Variants in DNASE1 observed in about 807,000 individuals in gnomAD.
The protein encoded by DNASE1 is deoxyribonuclease 1, also known as deoxyribonuclease-1.
DNASE1 carries 40 observed loss-of-function variants against 33.9 expected under a neutral mutation model. The observed-to-expected ratio is 1.18, with a 90% CI of 0.92 to 1.54. The LOEUF (loss-of-function observed/expected upper bound fraction) is 1.54. Among genes scored for constraint, DNASE1 ranks in the 40% most tolerant of loss-of-function variants. DNASE1 has a pLI of 0.00. For missense variants in DNASE1, 518 were observed against 372.6 expected (o/e 1.39, Z -3.21); for synonymous variants, 216 against 160.0 (o/e 1.35, Z -2.64).
At chr16:3,662,134 T>C, downstream of DNASE1, 1 of 1,610,800 alleles carries the variant, frequency 6.2e-7, no homozygotes, top group Non-Finnish European at 8.5e-7. Flanking sequence ...GAGGGTCACC[T>C]GTGAGCAAAG....
chr16:3,638,104 A>AGTGT (rs58884007), upstream of DNASE1, among the ~76,000 whole-genome samples: 9,500 of 143,458 alleles, frequency 0.066, 361 homozygotes, highest in Admixed American at 0.15. Context: ...AGTTTTTGTG[A>AGTGT]GTGTGTGTGT....
At chr16:3,637,574 A>G (rs887616965) in intron 1 of DNASE1, among the ~76,000 whole-genome samples, 27 of 152,160 alleles carry the variant, frequency 1.8e-4, no homozygotes, top group Non-Finnish European at 2.6e-4. Context: ...AGTTGGGTCA[A>G]CCTTTCCCTT....
chr16:3,657,786 C>T lies in DNASE1; in HGVS notation c.771C>T (p.Phe257=), dbSNP rs2042786537. The change falls in exon 8 of 9, where the codon TTC becomes TTT. Residue 257 remains phenylalanine (F), a synonymous_variant. Transcript: ENST00000246949. The part of the protein sequence containing the change: ...VVPDSALPFN[F]QAAYGLSDQL... The stretch of plus-strand genomic sequence containing the variant: ...CCGACTCGGCTCTTCCCTTTAACTT[C>T]CAGGCTGCCTATGGCCTGAGTGACC... The T allele has an allele frequency of 6.2e-7, 1 of 1,613,710 alleles. No homozygotes were observed.
At chr16:3,658,785 G>A (rs569161134), downstream of DNASE1, 14 of 1,613,304 alleles carry the variant, frequency 8.7e-6, no homozygotes, top group African/African-American at 1.3e-5. Context: ...CTAAGCTGCT[G>A]CACTCACCTG....
At chr16:3,636,801 C>G (rs1403293114) in intron 1 of DNASE1, among the ~76,000 whole-genome samples, 2 of 151,254 alleles carry the variant, frequency 1.3e-5, no homozygotes, top group Admixed American at 1.3e-4. Flanking sequence ...GCCTGGGCAA[C>G]AGAGTGAGAC....
At chr16:3,656,063 T>C (rs1005703031) in intron 3 of DNASE1, 39 bp from the exon 4 acceptor site, 14 of 1,611,562 alleles carry the variant, frequency 8.7e-6, no homozygotes, top group Non-Finnish European at 1.1e-5. Context: ...GGGTCCCCTA[T>C]GGCCCCCGCC....
chr16:3,641,784 C>T (rs1298921226), upstream of DNASE1, among the ~76,000 whole-genome samples: 2 of 152,170 alleles, frequency 1.3e-5, no homozygotes, highest in Non-Finnish European at 2.9e-5. Flanking sequence ...GGGCTGCCCA[C>T]TGGGAGGCCC....
At chr16:3,630,971 C>T (rs991242617) in intron 1 of DNASE1, among the ~76,000 whole-genome samples, 4 of 152,038 alleles carry the variant, frequency 2.6e-5, no homozygotes, top group African/African-American at 7.2e-5. Flanking sequence ...AGTTACTGAT[C>T]AGGAAAGACT....
chr16:3,638,494 C>T (rs145819810), upstream of DNASE1, among the ~76,000 whole-genome samples: 7,658 of 152,272 alleles, frequency 0.05, 241 homozygotes, highest in Admixed American at 0.066. Context: ...CCCGCCACCA[C>T]ACTCAGCTAA....
At chr16:3,649,740 T>TGTGGCCTGGGTA (rs1465010517), upstream of DNASE1, among the ~76,000 whole-genome samples, 1 of 152,202 alleles carries the variant, frequency 6.6e-6, no homozygotes, top group Non-Finnish European at 1.5e-5. Context: ...GTTTTTATCT[T>TGTGGCCTGGGTA]GTGGCCTGGG....
intron 1 of DNASE1, among the ~76,000 whole-genome samples, chr16:3,624,273 A>T (rs2041427919): frequency 6.6e-6 from 1 of 152,050 alleles, no homozygotes; most frequent in African/African-American, 2.4e-5. Flanking sequence ...TGTCTCAAAA[A>T]AAAAAAAAAA....
chr16:3,625,601 C>G (rs1218185016), intron 1 of DNASE1, among the ~76,000 whole-genome samples: 1 of 151,842 alleles, frequency 6.6e-6, no homozygotes, highest in East Asian at 1.9e-4. Flanking sequence ...CCAGCCTGGG[C>G]AACAGAGCAA....
Position 3,655,189 on chromosome 16 carries a change from G to A in DNASE1, c.-2+145G>A, listed in dbSNP as rs531518696. Reference sequence around the variant, plus strand: ...TTTCTGGTGGATGGAGGAGTGACTCGGGGTCCTCTACGTGGTGCCAGCTGT... The same window carrying A: ...TTTCTGGTGGATGGAGGAGTGACTCAGGGTCCTCTACGTGGTGCCAGCTGT... On this transcript the variant is annotated intron_variant, in intron 1 of 8. Coordinates refer to ENST00000246949, the MANE Select transcript of DNASE1 (RefSeq NM_005223.4). The A allele has an allele frequency of 4.4e-5, 34 of 764,138 alleles. No individual in the cohort carries two copies. In the African/African-American group the frequency reaches 4.7e-4, roughly 11 times the overall value. The allele number at this position is 764,138 out of a possible 1,614,324, so 47.3% of individuals were successfully genotyped here.
upstream of DNASE1, chr16:3,653,806 C>CAAAAAAAAAAAAAAAAAAAAAAA (rs71133649): frequency 8.1e-5 from 3 of 37,038 alleles, 1 homozygote; most frequent in African/African-American, 3.3e-4. Flanking sequence ...GATTCCGCCT[C>CAAAAAAAAAAAAAAAAAAAAAAA]AAAAAAAAAA....
intron 1 of DNASE1, among the ~76,000 whole-genome samples, chr16:3,623,270 G>C (rs575716244): frequency 1.1e-4 from 17 of 151,780 alleles, no homozygotes; most frequent in African/African-American, 3.9e-4. Context: ...AATAGCGCTG[G>C]GAAAATTGGC....
downstream of DNASE1, chr16:3,662,963 G>A (rs144965528): frequency 5.1e-4 from 827 of 1,608,764 alleles, 3 homozygotes; most frequent in Middle Eastern, 9.9e-4. Flanking sequence ...ATAGGCACTC[G>A]GCGGCTGCGG....
rs8046395 is a variant in DNASE1, at chr16:3,633,218, C to G, written c.-1358-7497C>G. On this transcript the variant is annotated intron_variant and NMD_transcript_variant, in intron 1 of 11. Coordinates refer to the DNASE1 transcript ENST00000570769. ...CTTTTCTTTTTATTTTGGTCTTCCA[C>G]TCTTTTTCTGCTTTCTCTGGCTTTA... is the stretch of plus-strand genomic sequence containing the variant. 9.2e-3 allele frequency among the ~76,000 whole-genome samples: 1,401 copies of G among 152,288 alleles called. 22 individuals carry two copies. The highest frequency in any genetic ancestry group is 0.031 in the African/African-American group (1,306 of 41,556).
At chr16:3,658,182 C>T (rs2042827747), downstream of DNASE1, 1 of 1,613,980 alleles carries the variant, frequency 6.2e-7, no homozygotes, top group African/African-American at 1.3e-5. Flanking sequence ...CCCACCATGG[C>T]CCTAGGGTCG....
chr16:3,658,789 TCACCTGATCCACCAG>T (rs777939755), downstream of DNASE1: 3 of 1,613,564 alleles, frequency 1.9e-6, no homozygotes, highest in Admixed American at 3.3e-5. Flanking sequence ...GCTGCTGCAC[TCACCTGATCCACCAG>T]CAGCTGAGCC....
Sources: allele counts gnomAD v4.1 joint callset (sites outside exome capture counted in the v4.1 genomes callset), GRCh38; gene constraint gnomAD v4.1.1; transcripts MANE v1.5; gene names NCBI Gene and HGNC (gene_info 2026-07-23, HGNC 2026-07-21).